MSRB3: variants seen among roughly 807,000 people sequenced by gnomAD.
MSRB3 encodes the protein methionine sulfoxide reductase B3.
In MSRB3, 13 loss-of-function variants were observed where a neutral mutation model predicts 21.0. That is an observed-to-expected ratio of 0.62 (90% CI 0.40 to 0.98). The LOEUF is 0.98. Ranked by LOEUF, MSRB3 falls within the 50% of genes least tolerant of loss-of-function variation. MSRB3 has a pLI of 0.00. For synonymous variants in MSRB3, 87 were observed against 88.6 expected, an observed-to-expected ratio of 0.98 and a Z score of 0.10; for missense variants, 199 against 230.3, an observed-to-expected ratio of 0.86 and a Z score of 0.88.
intron 5 of MSRB3, among the ~76,000 whole-genome samples, chr12:65,400,784 A>C (rs2336712): frequency 5.3e-4 from 80 of 151,914 alleles, no homozygotes; most frequent in Non-Finnish European, 1.1e-3. Context: ...TGCTTTAGCT[A>C]TGTCCCAGAG....
chr12:65,330,010 G>A (rs1875306405), intron 4 of MSRB3, among the ~76,000 whole-genome samples: 1 of 152,142 alleles, frequency 6.6e-6, no homozygotes, highest in African/African-American at 2.4e-5. Flanking sequence ...TTTAGCTTAT[G>A]TCATAATAGT....
intron 4 of MSRB3, among the ~76,000 whole-genome samples, chr12:65,340,201 C>G (rs530808858): frequency 6.6e-6 from 1 of 152,122 alleles, no homozygotes; most frequent in South Asian, 2.1e-4. Context: ...CTGAAAAATG[C>G]AATAACTGAA....
At chr12:65,346,964 T>C (rs1041141951) in intron 4 of MSRB3, among the ~76,000 whole-genome samples, 46 of 152,216 alleles carry the variant, frequency 3.0e-4, no homozygotes, top group African/African-American at 9.9e-4. Flanking sequence ...TTGGTACCAG[T>C]GCCATGCTGT....
chr12:65,326,988 C>A, intron 3 of MSRB3, 54 bp downstream of exon 3: 2 of 1,296,784 alleles, frequency 1.5e-6, no homozygotes, highest in Non-Finnish European at 2.2e-6. Context: ...TCTCCCCCTG[C>A]CCTCTGCAGT....
chr12:65,350,433 A>G (rs1224352694), intron 4 of MSRB3, among the ~76,000 whole-genome samples: 2 of 151,750 alleles, frequency 1.3e-5, no homozygotes, highest in African/African-American at 2.4e-5. Flanking sequence ...CTAACATCAT[A>G]ATGACAGGAT....
At chr12:65,385,622 C>T (rs867384260) in intron 5 of MSRB3, among the ~76,000 whole-genome samples, 19 of 152,008 alleles carry the variant, frequency 1.2e-4, no homozygotes, top group East Asian at 5.8e-4. Flanking sequence ...TAATTTGCTA[C>T]GCTGTGAATT....
At chr12:65,449,313 A>G (rs1882759808) in intron 5 of MSRB3, among the ~76,000 whole-genome samples, 1 of 152,044 alleles carries the variant, frequency 6.6e-6, no homozygotes, top group Admixed American at 6.6e-5. Flanking sequence ...TAATTTGGCA[A>G]GAGTCAGGAC....
chr12:65,379,859 G>A (rs1878844044), intron 5 of MSRB3, among the ~76,000 whole-genome samples: 1 of 152,132 alleles, frequency 6.6e-6, no homozygotes, highest in African/African-American at 2.4e-5. Flanking sequence ...TTTTTACTTT[G>A]ACTCAGTGAT....
At chr12:65,297,278 A>G (rs1464376247) in intron 1 of MSRB3, among the ~76,000 whole-genome samples, 1 of 152,162 alleles carries the variant, frequency 6.6e-6, no homozygotes, top group Non-Finnish European at 1.5e-5. Context: ...GCTGGGCTTA[A>G]TACCTAGGTG....
At chr12:65,424,714 T>C (rs973732428) in intron 5 of MSRB3, among the ~76,000 whole-genome samples, 1 of 151,776 alleles carries the variant, frequency 6.6e-6, no homozygotes, top group Admixed American at 6.6e-5. Flanking sequence ...TTAAGTTGTG[T>C]TTTGTAGCCT....
intron 6 of MSRB3, among the ~76,000 whole-genome samples, chr12:65,461,222 G>A (rs1883316031): frequency 6.6e-6 from 1 of 152,154 alleles, no homozygotes; most frequent in South Asian, 2.1e-4. Flanking sequence ...ACAGCACCTT[G>A]ACTATTTTGG....
intron 2 of MSRB3, among the ~76,000 whole-genome samples, chr12:65,319,766 G>A (rs1391217632): frequency 6.6e-6 from 1 of 152,132 alleles, no homozygotes; most frequent in Non-Finnish European, 1.5e-5. Flanking sequence ...GGAAAATAAA[G>A]CAGAAATGAA....
At chr12:65,292,380 A>T (rs1481459621) in intron 1 of MSRB3, among the ~76,000 whole-genome samples, 23 of 152,206 alleles carry the variant, frequency 1.5e-4, no homozygotes, top group Admixed American at 1.4e-3. Flanking sequence ...TATGTGAATT[A>T]CTTAGCACAG....
At chr12:65,449,291 G>A (rs1373614423) in intron 5 of MSRB3, among the ~76,000 whole-genome samples, 1 of 151,450 alleles carries the variant, frequency 6.6e-6, no homozygotes, top group Non-Finnish European at 1.5e-5. Context: ...CCCCCCCAGA[G>A]TGAATATTAA....
At position 65,287,543 on chromosome 12, in the gene MSRB3, G is replaced by A. The variant is rs563656177; in HGVS notation, c.-52+8678G>A. Among the ~76,000 whole-genome samples the A allele has an allele frequency of 5.3e-5, 8 of 152,316 alleles. No homozygotes were observed. In the South Asian group the frequency reaches 1.7e-3, roughly 32 times the overall value. ...ACTTATTTTATCTTAGATTAGTGGTGTGTAGCTAAGGAAAGGTAAGGTCAT... is the reference window on the plus strand; with the variant it reads ...ACTTATTTTATCTTAGATTAGTGGTATGTAGCTAAGGAAAGGTAAGGTCAT... On this transcript the variant is annotated intron_variant, in intron 1 of 6. Coordinates refer to ENST00000308259, the MANE Select transcript of MSRB3 (RefSeq NM_001031679.3).
chr12:65,425,249 A>G (rs1881539699), intron 5 of MSRB3, among the ~76,000 whole-genome samples: 1 of 151,130 alleles, frequency 6.6e-6, no homozygotes, highest in South Asian at 2.1e-4. Flanking sequence ...ATGTGTCCTT[A>G]TAGGTGAAGT....
intron 5 of MSRB3, among the ~76,000 whole-genome samples, chr12:65,442,494 A>C (rs1164866107): frequency 6.6e-6 from 1 of 151,936 alleles, no homozygotes; most frequent in East Asian, 1.9e-4. Flanking sequence ...ATTTCTTTGA[A>C]TTTCCCCATC....
intron 4 of MSRB3, among the ~76,000 whole-genome samples, chr12:65,348,813 C>T (rs1243143381): frequency 6.6e-6 from 1 of 152,122 alleles, no homozygotes; most frequent in Admixed American, 6.6e-5. Context: ...TTTCAAAGAA[C>T]ATCTTTATTT....
chr12:65,316,712 A>G (rs1027082856), intron 2 of MSRB3, among the ~76,000 whole-genome samples: 1 of 152,166 alleles, frequency 6.6e-6, no homozygotes, highest in African/African-American at 2.4e-5. Context: ...TTTATTATCT[A>G]TAGGATGAAA....
Sources: allele counts gnomAD v4.1 joint callset (sites outside exome capture counted in the v4.1 genomes callset), GRCh38; gene constraint gnomAD v4.1.1; transcripts MANE v1.5; gene names NCBI Gene and HGNC (gene_info 2026-07-23, HGNC 2026-07-21).